The following TECR variants were observed in gnomAD, a reference collection of about 807,000 sequenced individuals.
The protein encoded by TECR is trans-2,3-enoyl-CoA reductase.
A neutral mutation model predicts 50.6 loss-of-function variants in TECR; 19 were observed. The ratio of observed to expected loss-of-function variants is 0.38; its 90% CI spans 0.26 to 0.55. The LOEUF is 0.55. TECR is among the 20% of genes least tolerant of loss of function. The pLI, the probability that TECR is intolerant of heterozygous loss-of-function variation, is 0.79. For synonymous variants in TECR, 168 were observed against 163.5 expected (o/e 1.03, Z -0.21); for missense variants, 313 against 408.3 (o/e 0.77, Z 2.01).
Position 14,541,783 on chromosome 19 carries a change from AT to A in TECR, c.15+12088del, listed in dbSNP as rs113623037. Among the ~76,000 whole-genome samples the A allele has an allele frequency of 5.3e-3, 714 of 134,266 alleles. 3 individuals carry two copies. Among genetic ancestry groups the A allele is most frequent in the African/African-American group, 0.011 (411 of 36,682 alleles). The allele number at this position is 134,266 out of a possible 152,430, so 88.1% of individuals were successfully genotyped here. On this transcript the variant is annotated intron_variant, in intron 1 of 12. Coordinates refer to ENST00000215567, the MANE Select transcript of TECR (RefSeq NM_138501.6). Reference sequence around the variant, plus strand: ...CAGAGAGACCTGTGGACTTCTTTTCATTTTTTTTTTTTTTTTGAGATGGAGT... The same window carrying A: ...CAGAGAGACCTGTGGACTTCTTTTCATTTTTTTTTTTTTTTGAGATGGAGT...
chr19:14,564,174 C>T lies in TECR; in HGVS notation c.384-8C>T, dbSNP rs769607253. ...CCAGCCCCAGCTGAGCCTGCTCCCC[C>T]CGACCAGCCTCGCCTGCATCTGTCA... On this transcript the variant is annotated splice_region_variant and splice_polypyrimidine_tract_variant and intron_variant, in intron 6 of 12. Transcript: ENST00000215567. 5.0e-6 allele frequency: 8 copies of T among 1,606,758 alleles called. No individual in the cohort carries two copies. The highest frequency in any genetic ancestry group is 6.8e-6 in the Non-Finnish European group (8 of 1,179,686).
At chr19:14,555,101 G>T (rs1344243281) in intron 1 of TECR, among the ~76,000 whole-genome samples, 2 of 151,282 alleles carry the variant, frequency 1.3e-5, no homozygotes, top group East Asian at 1.9e-4. Context: ...TTGAGACAGG[G>T]TCTTGCTTTG....
chr19:14,562,326 C>T (rs934984734), intron 1 of TECR, 199 bp from the exon 2 acceptor site: 2 of 663,652 alleles, frequency 3.0e-6, no homozygotes, highest in Non-Finnish European at 5.5e-6. Context: ...GTGGTGGGGG[C>T]TGACGGCCGG....
At position 14,532,812 on chromosome 19, in the gene TECR, C is replaced by A. The variant is rs181428392; in HGVS notation, c.15+3101C>A. ...AATTTGAGAAAAGGTTTGTCTACATCAAAGAATATATTTCTGGCCGGGCGA... is the reference window on the plus strand; with the variant it reads ...AATTTGAGAAAAGGTTTGTCTACATAAAAGAATATATTTCTGGCCGGGCGA... On this transcript the variant is annotated intron_variant, in intron 1 of 12. Coordinates refer to ENST00000215567, the MANE Select transcript of TECR (RefSeq NM_138501.6). 2.4e-4 allele frequency among the ~76,000 whole-genome samples: 36 copies of A among 152,130 alleles called. No individual in the cohort carries two copies. In the East Asian group the frequency reaches 7.0e-3, roughly 29 times the overall value.
intron 1 of TECR, among the ~76,000 whole-genome samples, chr19:14,559,054 A>AG: frequency 6.6e-6 from 1 of 152,138 alleles, no homozygotes; most frequent in South Asian, 2.1e-4. Context: ...GCCCTCGATG[A>AG]GGTCTCACAT....
chr19:14,562,674 ACCCC>A, intron 2 of TECR, 99 bp downstream of exon 2: 7 of 1,379,124 alleles, frequency 5.1e-6, no homozygotes, highest in Non-Finnish European at 7.2e-6. Context: ...TTTGTGCCCC[ACCCC>A]CTGCCCTATG....
In TECR at chr19:14,563,510, C is replaced by A; in HGVS notation, c.119-148C>A. ...GGCTTGTGTCCTGAAACCGCACAAG[C>A]CTGAGGGTTTGCCCCCAGGTGGGAG... On this transcript the variant is annotated intron_variant, in intron 3 of 12. Transcript: ENST00000215567. The surrounding 1 kb of genome is among the most constrained non-coding windows in gnomAD (Gnocchi z 5.3). 1 of 1,065,422 alleles carries A rather than the reference C, an allele frequency of 9.4e-7. No individual in the cohort carries two copies. The highest frequency in any genetic ancestry group is 1.4e-6 in the Non-Finnish European group (1 of 712,606). 66.0% of individuals were successfully genotyped at this position (1,065,422 alleles called of 1,614,324 possible).
intron 1 of TECR, 184 bp downstream of exon 1, chr19:14,529,895 G>A (rs1337921315): frequency 1.2e-6 from 1 of 834,050 alleles, no homozygotes; most frequent in Non-Finnish European, 1.9e-6. Context: ...TGCGCAGGAA[G>A]TATTTATAAA....
Position 14,563,140 on chromosome 19 carries a change from G to A in TECR, c.67-66G>A. 6.2e-7 allele frequency: 1 copy of A among 1,611,478 alleles called. No individual in the cohort carries two copies. Among genetic ancestry groups the A allele is most frequent in the Non-Finnish European group, 8.5e-7 (1 of 1,178,544 alleles). On this transcript the variant is annotated intron_variant, in intron 2 of 12. Transcript: ENST00000215567. This position sits in a 1 kb window ranked among gnomAD's most constrained non-coding sequence, Gnocchi z 5.3. ...AACCCCCAGCCTGCCATCCCCTTTA[G>A]TACCTCCCCATCCTGAGTCTGGGCT...
In TECR at chr19:14,563,165, T is replaced by TCC. The variant is rs1000267498; in HGVS notation, c.67-38_67-37dup. 4 of 1,612,286 alleles carry TCC rather than the reference T, an allele frequency of 2.5e-6. No homozygotes were observed. The African/African-American group carries it at 5.4e-5, about 22-fold the overall frequency. ...GTACCTCCCCATCCTGAGTCTGGGC[T>TCC]CCCCGCAGAGCTGACGTCCCTGCGC... is the stretch of plus-strand genomic sequence containing the variant. On this transcript the variant is annotated intron_variant, in intron 2 of 12. Transcript: ENST00000215567. This position sits in a 1 kb window ranked among gnomAD's most constrained non-coding sequence, Gnocchi z 5.3.
intron 1 of TECR, among the ~76,000 whole-genome samples, chr19:14,561,103 AC>A (rs2073888014): frequency 6.6e-6 from 1 of 152,006 alleles, no homozygotes; most frequent in African/African-American, 2.4e-5. Context: ...CAGGAGGGGT[AC>A]CCAGCTTCTC....
chr19:14,548,830 C>T (rs1223686671), intron 1 of TECR, among the ~76,000 whole-genome samples: 2 of 152,082 alleles, frequency 1.3e-5, no homozygotes, highest in African/African-American at 4.8e-5. Flanking sequence ...TCACTTTGGC[C>T]TCCCAAAGTG....
upstream of TECR, chr19:14,527,844 G>C (rs527857411): frequency 2.0e-5 from 3 of 152,326 alleles, no homozygotes; most frequent in East Asian, 5.8e-4. Flanking sequence ...AGGTGAAGAA[G>C]TGTGCCAGGT....
At chr19:14,541,350 C>G (rs1323898001) in intron 1 of TECR, among the ~76,000 whole-genome samples, 2 of 152,200 alleles carry the variant, frequency 1.3e-5, no homozygotes, top group Non-Finnish European at 2.9e-5. Context: ...TGTTCCCCAT[C>G]ATCTCAACCC....
intron 1 of TECR, among the ~76,000 whole-genome samples, chr19:14,542,152 A>C (rs1276493809): frequency 6.6e-6 from 1 of 151,672 alleles, no homozygotes; most frequent in Non-Finnish European, 1.5e-5. Flanking sequence ...TTTAGTAGAG[A>C]TGGGGTCTTG....
rs866530937 is a variant in TECR at position 14,543,446 on chromosome 19, T to A, written c.15+13735T>A. On this transcript the variant is annotated intron_variant, in intron 1 of 12. Transcript: ENST00000215567. ...TTTTTTTTTTTTTTTTTTTTTTTTT[T>A]TTTTTTTTTTGAGACGGAGTCTCGC... Among the ~76,000 whole-genome samples the A allele has an allele frequency of 9.3e-3, 513 of 55,230 alleles. 19 individuals carry two copies. The highest frequency in any genetic ancestry group is 0.014 in the Non-Finnish European group (363 of 26,374). The allele number at this position is 55,230 out of a possible 152,430, so 36.2% of individuals were successfully genotyped here. A position where few individuals can be genotyped will look rare whatever the true frequency, so the allele number is the denominator to read the frequency against.
chr19:14,550,011 T>A (rs1054660679), intron 1 of TECR, among the ~76,000 whole-genome samples: 1 of 151,998 alleles, frequency 6.6e-6, no homozygotes, highest in African/African-American at 2.4e-5. Flanking sequence ...TCCCCTTTCC[T>A]TTCTTTCTTC....
chr19:14,565,158 C>G, intron 10 of TECR, 35 bp downstream of exon 10: 2 of 1,613,804 alleles, frequency 1.2e-6, no homozygotes. Context: ...GACAGCTGGG[C>G]TGGGTGAGGG....
intron 1 of TECR, among the ~76,000 whole-genome samples, chr19:14,550,011 T>G (rs1054660679): frequency 1.3e-5 from 2 of 151,998 alleles, no homozygotes; most frequent in Non-Finnish European, 2.9e-5. Context: ...TCCCCTTTCC[T>G]TTCTTTCTTC....
Sources: allele counts gnomAD v4.1 joint callset (sites outside exome capture counted in the v4.1 genomes callset), GRCh38; gene constraint gnomAD v4.1.1; non-coding constraint Gnocchi (gnomAD v3.1); transcripts MANE v1.5; gene names NCBI Gene and HGNC (gene_info 2026-07-23, HGNC 2026-07-21).